Variants in ANKFN1 observed in about 807,000 individuals in gnomAD.
ANKFN1 encodes ankyrin repeat and fibronectin type III domain containing 1.
A neutral mutation model predicts 108.7 loss-of-function variants in ANKFN1; 74 were observed. The ratio of observed to expected loss-of-function variants is 0.68; its 90% CI spans 0.56 to 0.83. The LOEUF is 0.83. ANKFN1 is among the 40% of genes least tolerant of loss of function. ANKFN1 has a pLI of 0.00. For synonymous variants in ANKFN1, 547 were observed against 516.2 expected, an observed-to-expected ratio of 1.06 and a Z score of -0.81; for missense variants, 1,505 against 1,382.3, an observed-to-expected ratio of 1.09 and a Z score of -1.41.
rs572014817 is a variant in ANKFN1 at position 56,512,779 on chromosome 17, A to G, written c.*1510A>G. 2.4e-4 allele frequency among the ~76,000 whole-genome samples: 37 copies of G among 152,368 alleles called. No individual in the cohort carries two copies. In the South Asian group the frequency reaches 6.4e-3, roughly 26 times the overall value. ...TTCTGATCCCTTCCATTTTAAAAAC[A>G]TTTGATTTAAACATAAATAATTACC... On this transcript the variant is annotated 3_prime_UTR_variant, in exon 21 of 21. Transcript: ENST00000682825.
chr17:56,132,516 C>T (rs1046255259), intron 4 of ANKFN1, among the ~76,000 whole-genome samples: 1 of 152,106 alleles, frequency 6.6e-6, no homozygotes, highest in African/African-American at 2.4e-5. Context: ...AAGACTGTCT[C>T]TAATGGGTTT....
At chr17:56,306,980 C>G (rs568908350) in intron 3 of ANKFN1, among the ~76,000 whole-genome samples, 9 of 152,144 alleles carry the variant, frequency 5.9e-5, no homozygotes, top group East Asian at 3.9e-4. Context: ...AATGGGGAAA[C>G]GATTCCCTAT....
At chr17:56,108,478 A>G (rs1905794072) in intron 4 of ANKFN1, among the ~76,000 whole-genome samples, 1 of 152,220 alleles carries the variant, frequency 6.6e-6, no homozygotes, top group African/African-American at 2.4e-5. Context: ...CACACTTACT[A>G]TATGATAACC....
In ANKFN1 at chr17:56,233,123, A is replaced by G. The variant is rs1245361033; in HGVS notation, c.53+5166A>G. ...TAAAGAATATAGAAAAAATTCTGGT[A>G]ATATAAAAATAATAATAGTAGTAAT... is the stretch of plus-strand genomic sequence containing the variant. On this transcript the variant is annotated intron_variant, in intron 3 of 20. Coordinates refer to ENST00000682825, the MANE Select transcript of ANKFN1 (RefSeq NM_001370326.1). Among the ~76,000 whole-genome samples the G allele has an allele frequency of 1.3e-5, 2 of 152,118 alleles. 1 individual carries two copies. The highest frequency in any genetic ancestry group is 1.3e-4 in the Admixed American group (2 of 15,256).
chr17:56,120,707 G>A (rs778272827), intron 4 of ANKFN1, among the ~76,000 whole-genome samples: 1 of 152,100 alleles, frequency 6.6e-6, no homozygotes, highest in Non-Finnish European at 1.5e-5. Context: ...AACTTCAACT[G>A]TCTTCTTGAC....
intron 4 of ANKFN1, among the ~76,000 whole-genome samples, chr17:56,122,643 C>T (rs140101020): frequency 2.6e-5 from 4 of 152,160 alleles, no homozygotes; most frequent in Non-Finnish European, 5.9e-5. Flanking sequence ...CTGCTTCTTC[C>T]GCCCCTGACC....
chr17:56,472,734 A>T (rs1217764836), intron 15 of ANKFN1: 1 of 152,272 alleles, frequency 6.6e-6, no homozygotes, highest in African/African-American at 2.4e-5. Context: ...TGATAGCAGT[A>T]CAAACAGTGT....
intron 8 of ANKFN1, among the ~76,000 whole-genome samples, chr17:56,427,795 G>A (rs541439203): frequency 2.6e-4 from 40 of 152,158 alleles, no homozygotes; most frequent in Non-Finnish European, 4.6e-4. Flanking sequence ...AGGCAGATAA[G>A]AGAGACAGGA....
At chr17:56,487,189 A>T (rs2050883336) in intron 18 of ANKFN1, among the ~76,000 whole-genome samples, 1 of 152,126 alleles carries the variant, frequency 6.6e-6, no homozygotes, top group Admixed American at 6.5e-5. Flanking sequence ...TTCACCAAAA[A>T]TCCACTCCTC....
At chr17:56,297,230 G>C (rs1019879948) in intron 3 of ANKFN1, among the ~76,000 whole-genome samples, 1 of 152,180 alleles carries the variant, frequency 6.6e-6, no homozygotes, top group East Asian at 1.9e-4. Flanking sequence ...TTGTTACGGC[G>C]TCTGGGCAGA....
chr17:56,166,953 T>C (rs1047493662), intron 1 of ANKFN1, among the ~76,000 whole-genome samples: 10 of 152,208 alleles, frequency 6.6e-5, no homozygotes, highest in Admixed American at 1.3e-4. Flanking sequence ...AGATAAATCA[T>C]TGAATCTCTT....
intron 8 of ANKFN1, among the ~76,000 whole-genome samples, chr17:56,399,843 T>TTATATATATA (rs71139904): frequency 1.2e-4 from 8 of 64,830 alleles, no homozygotes; most frequent in East Asian, 9.8e-4. Flanking sequence ...ATTCCATTTT[T>TTATATATATA]TATATATATA....
intron 3 of ANKFN1, among the ~76,000 whole-genome samples, chr17:56,235,750 A>G (rs562416561): frequency 9.2e-5 from 14 of 152,286 alleles, no homozygotes; most frequent in African/African-American, 3.1e-4. Context: ...TATTTTGGTT[A>G]CCGCAGCCCT....
At chr17:56,506,800 A>G (rs1598737724) in intron 20 of ANKFN1, among the ~76,000 whole-genome samples, 1 of 152,228 alleles carries the variant, frequency 6.6e-6, no homozygotes, top group Middle Eastern at 3.4e-3. Context: ...GCTAAGGTGG[A>G]TGGCAGCATA....
At chr17:56,490,840 A>C (rs564599468) in intron 18 of ANKFN1, among the ~76,000 whole-genome samples, 1 of 152,186 alleles carries the variant, frequency 6.6e-6, no homozygotes, top group South Asian at 2.1e-4. Flanking sequence ...GTAAGGATGG[A>C]TCACTCACAC....
At chr17:56,278,240 G>A (rs2043984477) in intron 3 of ANKFN1, among the ~76,000 whole-genome samples, 1 of 152,042 alleles carries the variant, frequency 6.6e-6, no homozygotes, top group Non-Finnish European at 1.5e-5. Context: ...GGTAACCACT[G>A]GGGAATACAA....
chr17:56,340,432 A>G (rs182442687), intron 4 of ANKFN1, among the ~76,000 whole-genome samples: 173 of 151,542 alleles, frequency 1.1e-3, no homozygotes, highest in African/African-American at 4.0e-3. Context: ...TTTTTTTTAT[A>G]GTTTTGGGAT....
intron 3 of ANKFN1, among the ~76,000 whole-genome samples, chr17:56,230,265 T>A (rs1246249889): frequency 6.6e-6 from 1 of 152,094 alleles, no homozygotes; most frequent in African/African-American, 2.4e-5. Flanking sequence ...ATCAAAAGGC[T>A]AATGGCTAAG....
chr17:56,436,825 G>A (rs1408636388), intron 8 of ANKFN1, among the ~76,000 whole-genome samples: 9 of 133,856 alleles, frequency 6.7e-5, no homozygotes, highest in East Asian at 4.3e-4. Context: ...CAACAAGAGC[G>A]AAACTCCATC....
Sources: allele counts gnomAD v4.1 joint callset (sites outside exome capture counted in the v4.1 genomes callset), GRCh38; gene constraint gnomAD v4.1.1; transcripts MANE v1.5; gene names NCBI Gene and HGNC (gene_info 2026-07-23, HGNC 2026-07-21).